CSMD1: variants seen among roughly 807,000 people sequenced by gnomAD.
CSMD1 encodes the protein CUB and sushi domain-containing protein 1.
A neutral mutation model predicts 417.5 loss-of-function variants in CSMD1; 213 were observed. The ratio of observed to expected loss-of-function variants is 0.51; its 90% CI spans 0.46 to 0.57. The LOEUF (loss-of-function observed/expected upper bound fraction) is 0.57, where lower values mean the gene tolerates loss of function less well. CSMD1 is among the 20% of genes least tolerant of loss of function. CSMD1 has a pLI of 0.00. For missense variants in CSMD1, 6,923 were observed against 4,529.7 expected, an observed-to-expected ratio of 1.53 and a Z score of -15.17; for synonymous variants, 2,862 against 1,736.8, an observed-to-expected ratio of 1.65 and a Z score of -16.11.
chr8:4,676,873 A>T (rs756004581), intron 1 of CSMD1, among the ~76,000 whole-genome samples: 1 of 150,366 alleles, frequency 6.7e-6, no homozygotes, highest in South Asian at 2.1e-4. Context: ...AGATATACAT[A>T]TTTTATATAT....
chr8:3,951,282 G>A (rs1317260113), intron 5 of CSMD1, among the ~76,000 whole-genome samples: 1 of 152,156 alleles, frequency 6.6e-6, no homozygotes, highest in Non-Finnish European at 1.5e-5. Flanking sequence ...CTCAGCCCTG[G>A]CCCACCTTTG....
At chr8:3,794,412 C>T (rs560763379) in intron 5 of CSMD1, among the ~76,000 whole-genome samples, 1 of 152,232 alleles carries the variant, frequency 6.6e-6, no homozygotes, top group Non-Finnish European at 1.5e-5. Context: ...CACTAACAAC[C>T]TGTACCTTTG....
chr8:3,040,238 T>G (rs911804393), intron 50 of CSMD1, among the ~76,000 whole-genome samples: 1 of 152,184 alleles, frequency 6.6e-6, no homozygotes, highest in South Asian at 2.1e-4. Context: ...AAAATGTTAA[T>G]GCAGCCAAAC....
chr8:3,097,023 T>G lies in CSMD1; in HGVS notation c.6964A>C (p.Asn2322His). The G allele has an allele frequency of 4.5e-6, 7 of 1,545,994 alleles. No individual in the cohort carries two copies. The highest frequency in any genetic ancestry group is 6.1e-6 in the Non-Finnish European group (7 of 1,145,260). Reference protein sequence around the residue: ...LPTCEAQCPANEVRTGSSGVI... With the variant: ...LPTCEAQCPAHEVRTGSSGVI... The stretch of plus-strand genomic sequence containing the variant: ...CCCGATGATCCAGTCCGGACTTCAT[T>G]TGCTGGGCATTGTGCTGGAGAGAAA... Residue 2322 changes from asparagine to histidine, a missense_variant, in exon 47 of 70, where the codon AAT becomes CAT. Asn to His is a moderately conservative substitution (Grantham distance 68, BLOSUM62 1). Transcript: ENST00000635120.
intron 10 of CSMD1, among the ~76,000 whole-genome samples, chr8:3,511,799 T>C (rs1179519031): frequency 6.7e-6 from 1 of 148,832 alleles, no homozygotes; most frequent in Non-Finnish European, 1.5e-5. Context: ...TAACATAACA[T>C]AACATAACAT....
At chr8:3,954,951 T>G (rs1054300369) in intron 5 of CSMD1, among the ~76,000 whole-genome samples, 2 of 152,242 alleles carry the variant, frequency 1.3e-5, no homozygotes, top group East Asian at 3.9e-4. Context: ...AAGTTGTTTC[T>G]CCCTGGGGTC....
rs531828713 is a variant in CSMD1, at chr8:3,446,704, T to C, written c.1561+22008A>G. ...AGGTAAATAGGAACACATGCCATTC[T>C]TGAAAACTATTTTACTTATAAAGTG... On this transcript the variant is annotated intron_variant, in intron 12 of 69. Coordinates refer to ENST00000635120, the MANE Select transcript of CSMD1 (RefSeq NM_033225.6). Among the ~76,000 whole-genome samples the C allele has an allele frequency of 6.6e-5, 10 of 152,370 alleles. No homozygotes were observed. In the East Asian group the frequency reaches 9.6e-4, roughly 15 times the overall value.
intron 3 of CSMD1, among the ~76,000 whole-genome samples, chr8:4,067,114 T>A (rs774728627): frequency 2.6e-5 from 4 of 152,238 alleles, no homozygotes; most frequent in Non-Finnish European, 5.9e-5. Flanking sequence ...TCCTCAAATG[T>A]GTTTCCACAG....
chr8:3,535,386 G>C (rs990270998), intron 10 of CSMD1, among the ~76,000 whole-genome samples: 10 of 152,186 alleles, frequency 6.6e-5, no homozygotes, highest in African/African-American at 2.2e-4. Context: ...GGAAATAAAA[G>C]TGTGAACCCT....
At chr8:4,045,094 G>A (rs1410195957) in intron 3 of CSMD1, among the ~76,000 whole-genome samples, 1 of 152,256 alleles carries the variant, frequency 6.6e-6, no homozygotes, top group South Asian at 2.1e-4. Context: ...CACAGACGGG[G>A]CACAGGGAGA....
chr8:3,672,415 G>A (rs73183313), intron 7 of CSMD1, among the ~76,000 whole-genome samples: 4 of 152,190 alleles, frequency 2.6e-5, no homozygotes, highest in African/African-American at 9.6e-5. Flanking sequence ...AACATAAACA[G>A]TCCAGGGTGT....
chr8:4,376,198 C>T (rs1463828882), intron 3 of CSMD1, among the ~76,000 whole-genome samples: 1 of 152,214 alleles, frequency 6.6e-6, no homozygotes, highest in Non-Finnish European at 1.5e-5. Context: ...TTATTTTCTG[C>T]TGGCTCTGTT....
rs145430574 is a variant in CSMD1, at chr8:4,863,076, C to T, written c.85+131256G>A. 2.9e-3 allele frequency among the ~76,000 whole-genome samples: 441 copies of T among 152,046 alleles called. 2 individuals are homozygous for T. Among genetic ancestry groups the T allele is most frequent in the African/African-American group, 8.0e-3 (330 of 41,428 alleles). ...AGGTCCCTGGTGATTCTGGTGAACACTGTTATAGTAGCCGGAAAGCTCAGT... is the reference window on the plus strand; with the variant it reads ...AGGTCCCTGGTGATTCTGGTGAACATTGTTATAGTAGCCGGAAAGCTCAGT... On this transcript the variant is annotated intron_variant, in intron 1 of 69. Transcript: ENST00000635120.
At chr8:3,199,304 T>C (rs562310359) in intron 33 of CSMD1, among the ~76,000 whole-genome samples, 29 of 152,316 alleles carry the variant, frequency 1.9e-4, no homozygotes, top group African/African-American at 7.0e-4. Flanking sequence ...TTAAGCTTAG[T>C]TTTTATAATA....
At chr8:4,319,369 C>G (rs978296186) in intron 3 of CSMD1, among the ~76,000 whole-genome samples, 1 of 152,148 alleles carries the variant, frequency 6.6e-6, no homozygotes, top group South Asian at 2.1e-4. Flanking sequence ...CTGAATGTTT[C>G]TTTGAAATAC....
chr8:3,705,693 A>C (rs1801128797), intron 7 of CSMD1, among the ~76,000 whole-genome samples: 1 of 152,184 alleles, frequency 6.6e-6, no homozygotes, highest in Non-Finnish European at 1.5e-5. Flanking sequence ...ATCCGCAACA[A>C]AACCCTTAGT....
chr8:4,037,589 G>T (rs926071750), intron 3 of CSMD1, among the ~76,000 whole-genome samples: 1 of 138,884 alleles, frequency 7.2e-6, no homozygotes, highest in Non-Finnish European at 1.5e-5. Flanking sequence ...GACAGGGATT[G>T]CAATGGAAAG....
chr8:3,785,098 G>A (rs1177168476), intron 5 of CSMD1, among the ~76,000 whole-genome samples: 2 of 152,180 alleles, frequency 1.3e-5, no homozygotes, highest in African/African-American at 4.8e-5. Flanking sequence ...AAGATTGACT[G>A]AATTTGAATC....
At chr8:3,032,129 A>T (rs58067818) in intron 50 of CSMD1, among the ~76,000 whole-genome samples, 1 of 151,686 alleles carries the variant, frequency 6.6e-6, no homozygotes, top group African/African-American at 2.4e-5. Flanking sequence ...ACTGCAATAA[A>T]TATTAATATT....
Sources: gnomAD v4.1 joint callset for allele counts (sites outside exome capture counted in the v4.1 genomes callset) on GRCh38, gnomAD v4.1.1 for gene constraint, MANE v1.5 for transcripts, NCBI Gene and HGNC (gene_info 2026-07-23, HGNC 2026-07-21) for gene names.